CYP27C1: variants seen among roughly 807,000 people sequenced by gnomAD.
The protein encoded by CYP27C1 is cytochrome P450 family 27 subfamily C member 1.
CYP27C1 carries 29 observed loss-of-function variants against 40.6 expected under a neutral mutation model. The observed-to-expected ratio is 0.71, with a 90% confidence interval of 0.53 to 0.97. CYP27C1 has a LOEUF of 0.97. Ranked by LOEUF, CYP27C1 falls within the 50% of genes least tolerant of loss-of-function variation. The probability of loss-of-function intolerance (pLI) is 0.00; values close to 1 mark genes in which losing one functional copy is unlikely to be tolerated. For synonymous variants in CYP27C1, 198 were observed against 186.8 expected, an observed-to-expected ratio of 1.06 and a Z score of -0.49; for missense variants, 390 against 485.8, an observed-to-expected ratio of 0.80 and a Z score of 1.85.
At position 127,204,602 on chromosome 2, in the gene CYP27C1, A is replaced by C. The variant is rs150046806; in HGVS notation, c.474-1031T>G. ...GAAAGAAAGAAAGAAAGAAAGAAAG[A>C]AAGAAAGAAAGAAAGAAAGAAAGAA... On this transcript the variant is annotated intron_variant, in intron 2 of 8. Coordinates refer to ENST00000664447, the MANE Select transcript of CYP27C1 (RefSeq NM_001367502.1). 6.6e-3 allele frequency among the ~76,000 whole-genome samples: 654 copies of C among 99,784 alleles called. 13 individuals carry two copies. The highest frequency in any genetic ancestry group is 0.025 in the African/African-American group (582 of 23,366). The allele number at this position is 99,784 out of a possible 152,430, so 65.5% of individuals were successfully genotyped here.
At chr2:127,194,520 C>A (rs1334118007) in intron 6 of CYP27C1, among the ~76,000 whole-genome samples, 1 of 152,140 alleles carries the variant, frequency 6.6e-6, no homozygotes, top group African/African-American at 2.4e-5. Context: ...CCTACCCAAA[C>A]CATCCCCTCA....
rs1683517699 is a variant in CYP27C1 at position 127,220,023 on chromosome 2, CAGA to C, written c.245_247del (p.Phe82del). ...GTGGATGCGGCTGAAGCCGTCCCTG[CAGA>C]AGAACTCCGCCAGGTTGGCGAGGGT... On this transcript the variant is annotated inframe_deletion, in exon 1 of 9. Coordinates refer to ENST00000664447, the MANE Select transcript of CYP27C1 (RefSeq NM_001367502.1). This position sits in a 1 kb window ranked among gnomAD's most constrained non-coding sequence, Gnocchi z 4.6. 6.6e-6 allele frequency: 1 copy of C among 152,038 alleles called. No homozygotes were observed. The highest frequency in any genetic ancestry group is 1.5e-5 in the Non-Finnish European group (1 of 67,968). 9.4% of individuals were successfully genotyped at this position (152,038 alleles called of 1,614,324 possible).
At chr2:127,188,021 C>A (rs1339420645) in intron 8 of CYP27C1, among the ~76,000 whole-genome samples, 3 of 152,176 alleles carry the variant, frequency 2.0e-5, no homozygotes, top group African/African-American at 7.2e-5. Flanking sequence ...TCTCCCCCGG[C>A]GGCCGGCTAG....
At chr2:127,191,432 G>C (rs1359232191) in intron 8 of CYP27C1, among the ~76,000 whole-genome samples, 3 of 152,082 alleles carry the variant, frequency 2.0e-5, no homozygotes, top group Non-Finnish European at 2.9e-5. Context: ...CGGTTCTTCA[G>C]GCAGCCAGAG....
chr2:127,207,002 C>A (rs1323806026), intron 1 of CYP27C1, among the ~76,000 whole-genome samples: 1 of 152,220 alleles, frequency 6.6e-6, no homozygotes, highest in Non-Finnish European at 1.5e-5. Context: ...TATTTCTATA[C>A]ACTAGCAGTG....
At chr2:127,203,213 G>T (rs1303812539) in intron 3 of CYP27C1, among the ~76,000 whole-genome samples, 159 bp downstream of exon 3, 1 of 151,872 alleles carries the variant, frequency 6.6e-6, no homozygotes, top group African/African-American at 2.4e-5. Context: ...GTCAACGGTG[G>T]TTCACACCAG....
intron 1 of CYP27C1, among the ~76,000 whole-genome samples, chr2:127,206,963 A>G (rs1334605956): frequency 1.3e-5 from 2 of 152,258 alleles, no homozygotes; most frequent in Admixed American, 6.5e-5. Context: ...GTTCAATAGG[A>G]CACAAAATCA....
intron 2 of CYP27C1, among the ~76,000 whole-genome samples, chr2:127,204,601 GAA>G (rs1491157392): frequency 9.9e-6 from 1 of 100,900 alleles, no homozygotes; most frequent in Non-Finnish European, 2.0e-5. Flanking sequence ...AAGAAAGAAA[GAA>G]AGAAAGAAAG....
At chr2:127,210,449 T>A (rs1683313765) in intron 1 of CYP27C1, among the ~76,000 whole-genome samples, 2 of 152,070 alleles carry the variant, frequency 1.3e-5, no homozygotes, top group Admixed American at 1.3e-4. Context: ...AGAAACTGCA[T>A]CAACTAGTGT....
chr2:127,194,317 G>C (rs930326888), intron 6 of CYP27C1, among the ~76,000 whole-genome samples: 3 of 152,052 alleles, frequency 2.0e-5, no homozygotes, highest in African/African-American at 7.2e-5. Context: ...AAACCCCACA[G>C]CCAGCTGCTT....
chr2:127,217,878 C>T (rs756317221), intron 1 of CYP27C1, among the ~76,000 whole-genome samples: 1 of 152,162 alleles, frequency 6.6e-6, no homozygotes, highest in Non-Finnish European at 1.5e-5. Flanking sequence ...TTTCTAGAAC[C>T]ATGTGTTCGA....
chr2:127,199,854 CTT>C (rs1558928960), intron 4 of CYP27C1, among the ~76,000 whole-genome samples: 1 of 152,150 alleles, frequency 6.6e-6, no homozygotes, highest in African/African-American at 2.4e-5. Context: ...AATGCAAACT[CTT>C]TTATTTTTTT....
intron 6 of CYP27C1, among the ~76,000 whole-genome samples, 184 bp from the exon 7 acceptor site, chr2:127,194,051 C>A (rs892112742): frequency 2.0e-5 from 3 of 152,142 alleles, no homozygotes; most frequent in African/African-American, 7.2e-5. Flanking sequence ...GCTTTACCAG[C>A]GAGTATTCTG....
chr2:127,199,268 T>C (rs1267770514), intron 5 of CYP27C1, 108 bp downstream of exon 5: 80 of 1,428,740 alleles, frequency 5.6e-5, no homozygotes, highest in Middle Eastern at 2.6e-4. Flanking sequence ...GCCTGGGCAA[T>C]AGAGTAAAAC....
At chr2:127,187,767 A>G (rs1462110398) in intron 8 of CYP27C1, among the ~76,000 whole-genome samples, 1 of 152,212 alleles carries the variant, frequency 6.6e-6, no homozygotes, top group Non-Finnish European at 1.5e-5. Context: ...ACAAAGTGAA[A>G]TTCCGGGTTT....
intron 5 of CYP27C1, among the ~76,000 whole-genome samples, chr2:127,197,878 G>A (rs1682940320): frequency 6.6e-6 from 1 of 151,106 alleles, no homozygotes; most frequent in African/African-American, 2.4e-5. Flanking sequence ...CCCGGACCAT[G>A]CCACCCCCAG....
Position 127,206,055 on chromosome 2 carries a change from C to A in CYP27C1, c.318G>T (p.Lys106Asn), listed in dbSNP as rs1683220011. The change falls in exon 2 of 9, where the codon AAG becomes AAT. Residue 106 changes from lysine to asparagine, a missense_variant. Transcript: ENST00000664447. ...KHTREYGKIFKSHFGPQFVVS... is the reference protein window; with the variant it reads ...KHTREYGKIFNSHFGPQFVVS... The stretch of plus-strand genomic sequence containing the variant: ...CTACAAACTGAGGACCAAAGTGAGA[C>A]TTGAAGATTTTTCCATATTCCCGTG... Among the ~76,000 whole-genome samples, 1 of 152,246 alleles carries A rather than the reference C, an allele frequency of 6.6e-6. No homozygotes were observed. Among genetic ancestry groups the A allele is most frequent in the Non-Finnish European group, 1.5e-5 (1 of 68,040 alleles).
chr2:127,189,661 G>T (rs75834205), intron 8 of CYP27C1, among the ~76,000 whole-genome samples: 14,787 of 149,964 alleles, frequency 0.099, 847 homozygotes, highest in Middle Eastern at 0.14. Flanking sequence ...TGTTGCTTCT[G>T]TGCCAAGAGA....
At position 127,195,532 on chromosome 2, in the gene CYP27C1, G is replaced by C. The variant is rs548588755; in HGVS notation, c.1048-31C>G. The stretch of plus-strand genomic sequence containing the variant: ...GAGAGAAAGTGGCAGACACAGGCAG[G>C]CAGTGAGTAACACCAGGGACTGAAA... On this transcript the variant is annotated intron_variant, in intron 5 of 8. Transcript: ENST00000664447. The surrounding 1 kb of genome is among the most constrained non-coding windows in gnomAD (Gnocchi z 6.2). 2 of 1,610,922 alleles carry C rather than the reference G, an allele frequency of 1.2e-6. No homozygotes were observed. The highest frequency in any genetic ancestry group is 1.3e-5 in the African/African-American group (1 of 74,948).
Sources: allele counts gnomAD v4.1 joint callset (sites outside exome capture counted in the v4.1 genomes callset), GRCh38; gene constraint gnomAD v4.1.1; non-coding constraint Gnocchi (gnomAD v3.1); transcripts MANE v1.5; gene names NCBI Gene and HGNC (gene_info 2026-07-23, HGNC 2026-07-21).